Variants in RHOU observed in about 807,000 individuals in gnomAD.
RHOU encodes the protein rho-related GTP-binding protein RhoU.
In RHOU, 8 loss-of-function variants were observed where a neutral mutation model predicts 12.6. The ratio of observed to expected loss-of-function variants is 0.64; its 90% CI spans 0.37 to 1.15. The LOEUF is 1.15. Among genes scored for constraint, RHOU ranks in the 50% most tolerant of loss-of-function variants. The pLI is 0.01. For missense variants in RHOU, 258 were observed against 347.0 expected, an observed-to-expected ratio of 0.74 and a Z score of 2.04; for synonymous variants, 161 against 147.4, an observed-to-expected ratio of 1.09 and a Z score of -0.67.
chr1:228,687,028 C>T, the RHOU span, among the ~76,000 whole-genome samples: 29 of 152,018 alleles, frequency 1.9e-4, no homozygotes, highest in Non-Finnish European at 4.1e-4. Context: ...GCGTGAGCCA[C>T]CGTGCCTGGC....
chr1:228,681,478 C>G, the RHOU span, among the ~76,000 whole-genome samples: 1 of 151,922 alleles, frequency 6.6e-6, no homozygotes, highest in Non-Finnish European at 1.5e-5. Context: ...ACTGAAGGGA[C>G]AGGCGGGAGG....
the RHOU span, among the ~76,000 whole-genome samples, chr1:228,676,639 C>T: frequency 1.3e-5 from 2 of 152,188 alleles, no homozygotes; most frequent in Non-Finnish European, 2.9e-5. Flanking sequence ...TGGGTGCAGG[C>T]AGGCTGAGTC....
chr1:228,676,613 G>A, the RHOU span, among the ~76,000 whole-genome samples: 1 of 152,250 alleles, frequency 6.6e-6, no homozygotes, highest in African/African-American at 2.4e-5. Context: ...TGAGCAACAA[G>A]GCTGTTTATT....
At chr1:228,731,626 C>A (rs756481862), upstream of RHOU, among the ~76,000 whole-genome samples, 3 of 152,076 alleles carry the variant, frequency 2.0e-5, no homozygotes, top group Non-Finnish European at 4.4e-5. Context: ...AAATAAACAT[C>A]CTTGGAGGAG....
chr1:228,726,833 T>C, the RHOU span, among the ~76,000 whole-genome samples: 577 of 152,320 alleles, frequency 3.8e-3, 3 homozygotes, highest in Middle Eastern at 0.027. Flanking sequence ...AATGTGGTTA[T>C]AATTTGTTGT....
the RHOU span, among the ~76,000 whole-genome samples, chr1:228,716,714 TTA>T: frequency 1.4e-4 from 19 of 138,744 alleles, no homozygotes; most frequent in Non-Finnish European, 2.7e-4. Flanking sequence ...TTTATGTATG[TTA>T]TGTGTGTGTG....
the RHOU span, among the ~76,000 whole-genome samples, chr1:228,658,092 C>A: frequency 2.0e-5 from 3 of 151,848 alleles, no homozygotes; most frequent in African/African-American, 7.3e-5. Flanking sequence ...CCAGCCAGGG[C>A]AACATGGGAA....
chr1:228,702,152 A>G, the RHOU span, among the ~76,000 whole-genome samples: 2 of 152,314 alleles, frequency 1.3e-5, no homozygotes, highest in South Asian at 4.1e-4. Flanking sequence ...ACTTGTAAAA[A>G]AACTCAGACA....
the RHOU span, chr1:228,650,783 C>G: frequency 2.3e-6 from 1 of 429,566 alleles, no homozygotes; most frequent in African/African-American, 2.1e-5. Context: ...CTCCCTCTAC[C>G]TTGGAGGTGC....
chr1:228,734,300 A>G (rs1210730835), upstream of RHOU, among the ~76,000 whole-genome samples: 1 of 152,056 alleles, frequency 6.6e-6, no homozygotes, highest in African/African-American at 2.4e-5. Context: ...TCAAGCTTCT[A>G]ACTTCTTGAT....
At chr1:228,697,370 A>G in the RHOU span, among the ~76,000 whole-genome samples, 1 of 152,330 alleles carries the variant, frequency 6.6e-6, no homozygotes, top group South Asian at 2.1e-4. Flanking sequence ...ACAGAGACCC[A>G]GAGGAAAGCT....
At chr1:228,661,167 T>A in the RHOU span, among the ~76,000 whole-genome samples, 3 of 152,028 alleles carry the variant, frequency 2.0e-5, no homozygotes, top group African/African-American at 7.2e-5. Context: ...TACAAACTAC[T>A]GCTCAACAAA....
the RHOU span, among the ~76,000 whole-genome samples, chr1:228,685,133 T>A: frequency 4.6e-5 from 7 of 152,212 alleles, no homozygotes; most frequent in African/African-American, 9.7e-5. Context: ...GGTAGGAGCG[T>A]AGCAGTGAGG....
At chr1:228,742,429 T>C (rs908535952) in intron 2 of RHOU, among the ~76,000 whole-genome samples, 6 of 152,220 alleles carry the variant, frequency 3.9e-5, no homozygotes, top group African/African-American at 1.2e-4. Flanking sequence ...CTCTAACTTA[T>C]TCTATCCACT....
chr1:228,739,816 G>T (rs1238336552), intron 2 of RHOU, among the ~76,000 whole-genome samples: 2 of 152,244 alleles, frequency 1.3e-5, no homozygotes, highest in East Asian at 1.9e-4. Context: ...TTGAGCTGGG[G>T]TTTCATGCCC....
chr1:228,740,699 C>T (rs1169962712), intron 2 of RHOU, among the ~76,000 whole-genome samples: 1 of 152,184 alleles, frequency 6.6e-6, no homozygotes, highest in Non-Finnish European at 1.5e-5. Flanking sequence ...TAAGTGACTC[C>T]ACTGACCTCC....
chr1:228,718,773 C>A, the RHOU span, among the ~76,000 whole-genome samples: 2 of 152,112 alleles, frequency 1.3e-5, no homozygotes, highest in Non-Finnish European at 2.9e-5. Flanking sequence ...ACCAGGAGGA[C>A]CAGGTTGGTT....
At chr1:228,713,806 T>G in the RHOU span, among the ~76,000 whole-genome samples, 1 of 152,176 alleles carries the variant, frequency 6.6e-6, no homozygotes, top group Admixed American at 6.6e-5. Flanking sequence ...GGAGCAGTCT[T>G]ATAGAACTGA....
At chr1:228,683,448 C>T in the RHOU span, among the ~76,000 whole-genome samples, 1 of 152,160 alleles carries the variant, frequency 6.6e-6, no homozygotes, top group African/African-American at 2.4e-5. Context: ...TGAGATTTTA[C>T]ATATGATATA....
Sources: gnomAD v4.1 joint callset for allele counts (sites outside exome capture counted in the v4.1 genomes callset) on GRCh38, gnomAD v4.1.1 for gene constraint, MANE v1.5 for transcripts, NCBI Gene and HGNC (gene_info 2026-07-23, HGNC 2026-07-21) for gene names.